Variants in KIAA0753 observed in about 807,000 individuals in gnomAD.
KIAA0753 encodes the protein protein moonraker.
In KIAA0753, 114 loss-of-function variants were observed where a neutral mutation model predicts 116.9. The ratio of observed to expected loss-of-function variants is 0.98; its 90% CI spans 0.84 to 1.14. The LOEUF (loss-of-function observed/expected upper bound fraction) is 1.14. KIAA0753 is among the 50% of genes most tolerant of loss of function. The probability of loss-of-function intolerance (pLI) is 0.00; values close to 1 mark genes in which losing one functional copy is unlikely to be tolerated. For missense variants in KIAA0753, 1,156 were observed against 1,172.4 expected (o/e 0.99, Z 0.20); for synonymous variants, 405 against 413.1 (o/e 0.98, Z 0.24).
intron 13 of KIAA0753, among the ~76,000 whole-genome samples, chr17:6,599,986 C>T (rs1969748678): frequency 6.6e-6 from 1 of 152,094 alleles, no homozygotes; most frequent in South Asian, 2.1e-4. Flanking sequence ...GGATTGTGCA[C>T]AGAAGCTGTC....
At chr17:6,589,015 T>C (rs1298226577) in intron 18 of KIAA0753, among the ~76,000 whole-genome samples, 2 of 152,140 alleles carry the variant, frequency 1.3e-5, no homozygotes, top group Non-Finnish European at 2.9e-5. Context: ...ATATTTTGTG[T>C]TCTCTGATGG....
In KIAA0753 at chr17:6,589,870, T is replaced by A. The variant is rs925155242; in HGVS notation, c.2695A>T (p.Ile899Phe). ...TCAAAACGACTACAGTAGTCACCGA[T>A]GCTGTGCTGCATACCCGGTGGGACA... The part of the protein sequence containing the change: ...LFVPPGMQHS[I>F]GDYCSRFEQY... The change falls in exon 18 of 19, where the codon ATC (isoleucine) becomes TTC (phenylalanine). Residue 899 changes from isoleucine (I) to phenylalanine (F), a missense_variant. Coordinates refer to ENST00000361413, the MANE Select transcript of KIAA0753 (RefSeq NM_014804.3). 6.2e-7 allele frequency: 1 copy of A among 1,614,004 alleles called. No individual in the cohort carries two copies. Among genetic ancestry groups the A allele is most frequent in the African/African-American group, 1.3e-5 (1 of 74,934 alleles).
At chr17:6,603,671 G>C (rs1193169296) in intron 12 of KIAA0753, among the ~76,000 whole-genome samples, 2 of 152,182 alleles carry the variant, frequency 1.3e-5, no homozygotes, top group African/African-American at 2.4e-5. Context: ...TGAGTTCTTT[G>C]GGATTTCTCT....
intron 9 of KIAA0753, among the ~76,000 whole-genome samples, chr17:6,609,108 T>A (rs1197243826): frequency 6.6e-6 from 1 of 152,182 alleles, no homozygotes; most frequent in African/African-American, 2.4e-5. Context: ...AACTTGAAAA[T>A]GAGAGTGGAT....
chr17:6,606,656 C>G (rs552936417), intron 12 of KIAA0753, among the ~76,000 whole-genome samples: 12 of 152,322 alleles, frequency 7.9e-5, no homozygotes, highest in Admixed American at 2.6e-4. Context: ...CAGAACTTCT[C>G]TACAATTACA....
chr17:6,620,789 G>A lies in KIAA0753; in HGVS notation c.1314C>T (p.Ala438=), dbSNP rs767982404. 6.2e-6 allele frequency: 10 copies of A among 1,613,700 alleles called. No homozygotes were observed. Among genetic ancestry groups the A allele is most frequent in the Admixed American group, 1.7e-5 (1 of 60,006 alleles). Residue 438 remains alanine, a splice_region_variant and synonymous_variant, in exon 7 of 19, where the codon GCC becomes GCT. Transcript: ENST00000361413. The stretch of plus-strand genomic sequence containing the variant: ...CAATAAACACTTTAAGACACATACC[G>A]GCAAGAAGCTGCTTTGCTACAGAAG... The part of the protein sequence containing the change: ...SRPSVAKQLL[A]DKYQPDTELP...
chr17:6,630,907 T>C (rs778160657), intron 2 of KIAA0753, among the ~76,000 whole-genome samples: 1 of 152,154 alleles, frequency 6.6e-6, no homozygotes, highest in Non-Finnish European at 1.5e-5. Flanking sequence ...TCTGAATCAC[T>C]TGTGCAAAAA....
chr17:6,619,455 T>C (rs753780417), intron 7 of KIAA0753, among the ~76,000 whole-genome samples: 3 of 152,066 alleles, frequency 2.0e-5, no homozygotes, highest in Non-Finnish European at 2.9e-5. Context: ...AAATCAAGGG[T>C]TCACTCTGTC....
rs1971281114 is a variant in KIAA0753 at position 6,620,982 on chromosome 17, A to T, written c.1121T>A (p.Leu374Gln). The change falls in exon 7 of 19, where the codon CTG (leucine) becomes CAG (glutamine). Residue 374 changes from leucine (L) to glutamine (Q), a missense_variant. Physicochemically the swap from Leu to Gln is moderately radical, Grantham distance 113. Transcript: ENST00000361413. Reference sequence around the variant, plus strand: ...CTTTTTTGGTGACAGTTTCTTTTCCAGGAGAGATTCCAAAGCCTGCCACAA... The same window carrying T: ...CTTTTTTGGTGACAGTTTCTTTTCCTGGAGAGATTCCAAAGCCTGCCACAA... ...LQQIEALESLLEKKLSPKKVK... is the reference protein window; with the variant it reads ...LQQIEALESLQEKKLSPKKVK... The T allele has an allele frequency of 6.2e-7, 1 of 1,612,924 alleles. No individual in the cohort carries two copies. Among genetic ancestry groups the T allele is most frequent in the African/African-American group, 1.3e-5 (1 of 74,892 alleles).
chr17:6,614,484 T>C (rs1597546896), intron 7 of KIAA0753, among the ~76,000 whole-genome samples: 1 of 137,492 alleles, frequency 7.3e-6, no homozygotes, highest in South Asian at 2.6e-4. Context: ...TGTATCAATA[T>C]GAAAAAACCT....
rs889213757 is a variant in KIAA0753 at position 6,628,248 on chromosome 17, G to A, written c.587C>T (p.Pro196Leu). 17 of 1,613,970 alleles carry A rather than the reference G, an allele frequency of 1.1e-5. No homozygotes were observed. Among genetic ancestry groups the A allele is most frequent in the East Asian group, 2.2e-5 (1 of 44,898 alleles). ...TATCCTGGGATGAGGCTGAAGTCCC[G>A]GATCATGGGTGGGTGGCGAATTTGG... Reference protein sequence around the residue: ...TVPNSPPTHDPGLQPHPRIGD... With the variant: ...TVPNSPPTHDLGLQPHPRIGD... The change falls in exon 3 of 19, where the codon CCG (proline) becomes CTG (leucine). Residue 196 changes from proline (P) to leucine (L), a missense_variant. By Grantham distance (98) the Pro-to-Leu change is moderately conservative. Transcript: ENST00000361413.
At chr17:6,586,412 A>C (rs1466651837) in intron 18 of KIAA0753, among the ~76,000 whole-genome samples, 3 of 152,224 alleles carry the variant, frequency 2.0e-5, no homozygotes, top group Non-Finnish European at 2.9e-5. Context: ...TGTTCTTTAC[A>C]GATAAACTTG....
At chr17:6,586,942 A>G (rs1467188973) in intron 18 of KIAA0753, among the ~76,000 whole-genome samples, 1 of 152,228 alleles carries the variant, frequency 6.6e-6, no homozygotes, top group Non-Finnish European at 1.5e-5. Flanking sequence ...TATTCAAATC[A>G]TAAACTAAAA....
At chr17:6,630,948 A>T (rs983611870) in intron 2 of KIAA0753, among the ~76,000 whole-genome samples, 4 of 152,228 alleles carry the variant, frequency 2.6e-5, no homozygotes, top group African/African-American at 9.6e-5. Context: ...GAGACTAATG[A>T]GATTAGTTAT....
At chr17:6,596,482 T>G in intron 14 of KIAA0753, 139 bp from the exon 15 acceptor site, 1 of 648,132 alleles carries the variant, frequency 1.5e-6, no homozygotes, top group South Asian at 2.1e-5. Flanking sequence ...TGGCAGAGTT[T>G]CTATGGTAAA....
chr17:6,612,058 CCTT>C lies in KIAA0753; in HGVS notation c.1403_1405del (p.Glu468del). ...TGCACTTTGGTCTAGAATAAATGGT[CCTT>C]CTTCCAGAACTATATCCGCATCTAA... On this transcript the variant is annotated inframe_deletion, in exon 8 of 19. Coordinates refer to ENST00000361413, the MANE Select transcript of KIAA0753 (RefSeq NM_014804.3). The C allele has an allele frequency of 1.2e-6, 2 of 1,614,176 alleles. No individual in the cohort carries two copies. Among genetic ancestry groups the C allele is most frequent in the Non-Finnish European group, 1.7e-6 (2 of 1,180,010 alleles).
At chr17:6,594,786 G>A (rs916652549) in intron 16 of KIAA0753, among the ~76,000 whole-genome samples, 186 bp downstream of exon 16, 25 of 152,158 alleles carry the variant, frequency 1.6e-4, no homozygotes, top group Admixed American at 1.3e-4. Flanking sequence ...TTTGAAATGC[G>A]AACATAAGAT....
intron 6 of KIAA0753, 35 bp from the exon 7 acceptor site, chr17:6,621,033 A>T: frequency 1.9e-6 from 3 of 1,599,106 alleles, no homozygotes; most frequent in Non-Finnish European, 2.6e-6. Flanking sequence ...CTCTTAGTTT[A>T]TCTCGCAAAA....
intron 18 of KIAA0753, among the ~76,000 whole-genome samples, chr17:6,582,566 TC>T (rs1968257220): frequency 6.6e-6 from 1 of 152,244 alleles, no homozygotes; most frequent in Admixed American, 6.5e-5. Context: ...CAATCTTTTG[TC>T]TTTTAATTGG....
Sources: gnomAD v4.1 joint callset for allele counts (sites outside exome capture counted in the v4.1 genomes callset) on GRCh38, gnomAD v4.1.1 for gene constraint, MANE v1.5 for transcripts, NCBI Gene and HGNC (gene_info 2026-07-23, HGNC 2026-07-21) for gene names.